TNFSF11: variants seen among roughly 807,000 people sequenced by gnomAD.
TNFSF11 encodes the protein TNF superfamily member 11.
TNFSF11 carries 12 observed loss-of-function variants against 32.2 expected under a neutral mutation model. That is an observed-to-expected ratio of 0.37 (90% CI 0.24 to 0.60). TNFSF11 has a LOEUF of 0.60. TNFSF11 is among the 20% of genes least tolerant of loss of function. TNFSF11 has a pLI of 0.66. For synonymous variants in TNFSF11, 172 were observed against 152.1 expected, an observed-to-expected ratio of 1.13 and a Z score of -0.96; for missense variants, 345 against 398.0, an observed-to-expected ratio of 0.87 and a Z score of 1.13.
In TNFSF11 at chr13:42,586,901, A is replaced by G. The variant is rs754401225; in HGVS notation, c.387+5608A>G. The stretch of plus-strand genomic sequence containing the variant: ...GCCTCATCTTCAGAATTCATAATGT[A>G]GAATTCAGAATTCACAATATCCTCT... On this transcript the variant is annotated intron_variant, in intron 2 of 4. Coordinates refer to ENST00000398795, the MANE Select transcript of TNFSF11 (RefSeq NM_003701.4). Among the ~76,000 whole-genome samples, 168 of 152,224 alleles carry G rather than the reference A, an allele frequency of 1.1e-3. 3 individuals carry two copies. Among genetic ancestry groups the G allele is most frequent in the Admixed American group, 6.5e-4 (10 of 15,284 alleles).
intron 1 of TNFSF11, 76 bp downstream of exon 1, chr13:42,574,598 G>T: frequency 6.5e-7 from 1 of 1,531,960 alleles, no homozygotes; most frequent in South Asian, 1.2e-5. Context: ...ACTGAGTCTG[G>T]CGGCAGGGCT....
chr13:42,581,126 A>G lies in TNFSF11; in HGVS notation c.220A>G (p.Met74Val), dbSNP rs1467796146. Residue 74 changes from methionine to valine, a missense_variant and splice_region_variant, in exon 2 of 5, where the codon ATG becomes GTG. Physicochemically the swap from Met to Val is conservative, Grantham distance 21. Transcript: ENST00000398795. ...VALFFYFRAQMDPNRISEDGT... is the reference protein window; with the variant it reads ...VALFFYFRAQVDPNRISEDGT... The stretch of plus-strand genomic sequence containing the variant: ...CGTCCTTACTGTTTCTCCTCCTCAG[A>G]TGGATCCTAATAGAATATCAGAAGA... 3 of 1,613,916 alleles carry G rather than the reference A, an allele frequency of 1.9e-6. No individual in the cohort carries two copies. The highest frequency in any genetic ancestry group is 1.7e-6 in the Non-Finnish European group (2 of 1,179,922).
chr13:42,606,367 G>A (rs346574), intron 4 of TNFSF11, 130 bp from the exon 5 acceptor site: 72,507 of 1,114,984 alleles, frequency 0.065, 2,684 homozygotes, highest in Non-Finnish European at 0.074. Context: ...GAAAAGAAAT[G>A]CCAATAAGTT....
intron 2 of TNFSF11, among the ~76,000 whole-genome samples, chr13:42,594,720 T>TTTGAAAAGATG (rs1868705044): frequency 6.6e-6 from 1 of 152,204 alleles, no homozygotes; most frequent in Non-Finnish European, 1.5e-5. Flanking sequence ...TCCTAAAACG[T>TTTGAAAAGATG]TTGAAAAGAT....
chr13:42,591,048 A>G (rs762389391), intron 2 of TNFSF11, among the ~76,000 whole-genome samples: 1 of 152,090 alleles, frequency 6.6e-6, no homozygotes, highest in African/African-American at 2.4e-5. Context: ...GAGGAGGCCA[A>G]CTCACATCTT....
chr13:42,603,676 G>C (rs1432492115), intron 4 of TNFSF11, among the ~76,000 whole-genome samples: 2 of 152,036 alleles, frequency 1.3e-5, no homozygotes, highest in Non-Finnish European at 2.9e-5. Flanking sequence ...TCTCCTGCTT[G>C]CCATGAATTT....
At chr13:42,596,847 C>A (rs1003247252) in intron 2 of TNFSF11, among the ~76,000 whole-genome samples, 17 of 152,208 alleles carry the variant, frequency 1.1e-4, no homozygotes, top group Non-Finnish European at 2.2e-4. Context: ...ATATTCTTAT[C>A]ATCTGGGAGC....
intron 1 of TNFSF11, among the ~76,000 whole-genome samples, chr13:42,578,782 G>A (rs906021605): frequency 1.3e-5 from 2 of 152,114 alleles, no homozygotes; most frequent in African/African-American, 4.8e-5. Flanking sequence ...TTAAGAGAAA[G>A]GGGACAAAAT....
upstream of TNFSF11, among the ~76,000 whole-genome samples, chr13:42,569,369 A>G (rs1872975232): frequency 6.6e-6 from 1 of 152,094 alleles, no homozygotes; most frequent in African/African-American, 2.4e-5. Flanking sequence ...TAACACGGTG[A>G]AACCCCATCT....
At chr13:42,575,170 A>G (rs956024683) in intron 1 of TNFSF11, among the ~76,000 whole-genome samples, 67 of 152,134 alleles carry the variant, frequency 4.4e-4, no homozygotes, top group African/African-American at 1.5e-3. Flanking sequence ...GTGAAGGAAG[A>G]GGGACAGCCC....
chr13:42,580,024 G>C (rs1873525445), intron 1 of TNFSF11, among the ~76,000 whole-genome samples: 1 of 151,868 alleles, frequency 6.6e-6, no homozygotes, highest in African/African-American at 2.4e-5. Context: ...ACATCATTCT[G>C]ATTAATTTTT....
At chr13:42,601,013 A>G (rs1869146508) in intron 4 of TNFSF11, 32 bp downstream of exon 4, 1 of 1,610,966 alleles carries the variant, frequency 6.2e-7, no homozygotes, top group Non-Finnish European at 8.5e-7. Context: ...CCTGAAAAAT[A>G]TTTTAAGAGT....
intron 2 of TNFSF11, among the ~76,000 whole-genome samples, chr13:42,589,752 A>G (rs1874076739): frequency 6.6e-6 from 1 of 152,190 alleles, no homozygotes; most frequent in Non-Finnish European, 1.5e-5. Flanking sequence ...GGCAAAGGGC[A>G]TGTCTGTCCT....
chr13:42,601,035 C>G, intron 4 of TNFSF11, 54 bp downstream of exon 4: 6 of 1,590,560 alleles, frequency 3.8e-6, no homozygotes, highest in Non-Finnish European at 5.2e-6. Flanking sequence ...ATTTATCAGC[C>G]CATTTCAATA....
intron 2 of TNFSF11, among the ~76,000 whole-genome samples, chr13:42,592,289 T>C (rs985977508): frequency 3.3e-5 from 5 of 152,230 alleles, no homozygotes; most frequent in African/African-American, 9.6e-5. Context: ...CCTGTATTTC[T>C]GACCAACCAG....
At chr13:42,575,002 C>T (rs934142468) in intron 1 of TNFSF11, among the ~76,000 whole-genome samples, 3 of 152,246 alleles carry the variant, frequency 2.0e-5, no homozygotes, top group African/African-American at 7.2e-5. Flanking sequence ...GGCTGCTCTG[C>T]AGGTGTGCTG....
At position 42,590,323 on chromosome 13, in the gene TNFSF11, G is replaced by A. The variant is rs556105471; in HGVS notation, c.387+9030G>A. On this transcript the variant is annotated intron_variant, in intron 2 of 4. Transcript: ENST00000398795. Reference sequence around the variant, plus strand: ...ATTCTTAAGGGGCTGGAGGTCACTCGCAAGCTCAGTGTTTTCCTGCTTCTT... The same window carrying A: ...ATTCTTAAGGGGCTGGAGGTCACTCACAAGCTCAGTGTTTTCCTGCTTCTT... Among the ~76,000 whole-genome samples, 7 of 152,322 alleles carry A rather than the reference G, an allele frequency of 4.6e-5. No individual in the cohort carries two copies. In the South Asian group the frequency reaches 6.2e-4, roughly 14 times the overall value.
upstream of TNFSF11, among the ~76,000 whole-genome samples, chr13:42,569,469 A>C (rs1051450460): frequency 6.6e-6 from 1 of 151,514 alleles, no homozygotes. Flanking sequence ...AATGGCGTGA[A>C]CCCAGGAGGA....
At chr13:42,596,198 T>G (rs2137894886) in intron 2 of TNFSF11, among the ~76,000 whole-genome samples, 1 of 152,266 alleles carries the variant, frequency 6.6e-6, no homozygotes, top group African/African-American at 2.4e-5. Context: ...TGTTTGGAGA[T>G]GCAATGTCCC....
Sources: gnomAD v4.1 joint callset for allele counts (sites outside exome capture counted in the v4.1 genomes callset) on GRCh38, gnomAD v4.1.1 for gene constraint, MANE v1.5 for transcripts, NCBI Gene and HGNC (gene_info 2026-07-23, HGNC 2026-07-21) for gene names.